The following COL23A1 variants were observed in gnomAD, a reference collection of about 807,000 sequenced individuals.
COL23A1 encodes collagen type XXIII alpha 1 chain, also known as collagen alpha-1(XXIII) chain.
Under a neutral mutation model 99.3 loss-of-function variants are expected in COL23A1, and 97 were observed. The observed-to-expected ratio is 0.98, with a 90% CI of 0.83 to 1.16. The LOEUF is 1.16. Ranked by LOEUF, COL23A1 falls within the 50% of genes most tolerant of loss-of-function variation. The probability of loss-of-function intolerance (pLI) is 0.00; values close to 1 mark genes in which losing one functional copy is unlikely to be tolerated. For synonymous variants in COL23A1, 320 were observed against 308.2 expected, an observed-to-expected ratio of 1.04 and a Z score of -0.40; for missense variants, 762 against 757.4, an observed-to-expected ratio of 1.01 and a Z score of -0.07.
chr5:178,397,207 C>G (rs1391072040), intron 2 of COL23A1, among the ~76,000 whole-genome samples: 1 of 152,216 alleles, frequency 6.6e-6, no homozygotes. Flanking sequence ...TTCACTCCTT[C>G]CTGCCGCCAC....
intron 8 of COL23A1, among the ~76,000 whole-genome samples, chr5:178,266,110 G>A (rs139566630): frequency 1.5e-3 from 229 of 152,062 alleles, no homozygotes; most frequent in African/African-American, 5.4e-3. Flanking sequence ...GTGCCATCTC[G>A]TCTCACTGCA....
rs550408937 is a variant in COL23A1 at position 178,384,156 on chromosome 5, G to C, written c.362-77237C>G. 3.3e-4 allele frequency among the ~76,000 whole-genome samples: 51 copies of C among 152,282 alleles called. No homozygotes were observed. Among genetic ancestry groups the C allele is most frequent in the Admixed American group, 2.6e-4 (4 of 15,310 alleles). On this transcript the variant is annotated intron_variant, in intron 2 of 28. Coordinates refer to ENST00000390654, the MANE Select transcript of COL23A1 (RefSeq NM_173465.4). The surrounding 1 kb of genome is among the most constrained non-coding windows in gnomAD (Gnocchi z 5.5). ...AATAAGGCTGGCCATCGAGAAGACC[G>C]AGAGGCAGGGTCAGGGGCGGCACTT...
intron 2 of COL23A1, among the ~76,000 whole-genome samples, chr5:178,398,395 C>T (rs1036961933): frequency 1.3e-5 from 2 of 152,180 alleles, no homozygotes; most frequent in African/African-American, 2.4e-5. Context: ...GAGAGGCCGA[C>T]GCAGGCGGAT....
intron 2 of COL23A1, among the ~76,000 whole-genome samples, chr5:178,518,463 G>C (rs1431418845): frequency 6.6e-6 from 1 of 150,440 alleles, no homozygotes; most frequent in South Asian, 2.1e-4. Flanking sequence ...TCACTTCCCA[G>C]TAGGGGCGGC....
intron 2 of COL23A1, among the ~76,000 whole-genome samples, chr5:178,552,993 C>T (rs1198425726): frequency 2.6e-5 from 4 of 152,176 alleles, no homozygotes; most frequent in Middle Eastern, 6.8e-3. Flanking sequence ...CAGGCGTGAG[C>T]CACTGCGCCT....
At chr5:178,413,474 A>C (rs529937587) in intron 2 of COL23A1, among the ~76,000 whole-genome samples, 1 of 152,206 alleles carries the variant, frequency 6.6e-6, no homozygotes, top group African/African-American at 2.4e-5. Flanking sequence ...CATATGTTCA[A>C]TTATCCTCAA....
intron 2 of COL23A1, among the ~76,000 whole-genome samples, chr5:178,358,683 ATGTGTG>A (rs1174776992): frequency 8.5e-6 from 1 of 117,466 alleles, no homozygotes; most frequent in Non-Finnish European, 1.9e-5. Context: ...GTGTATGTGT[ATGTGTG>A]TGTATGTATG....
At chr5:178,421,373 T>C (rs2127798256) in intron 2 of COL23A1, among the ~76,000 whole-genome samples, 1 of 152,328 alleles carries the variant, frequency 6.6e-6, no homozygotes, top group African/African-American at 2.4e-5. Flanking sequence ...TCAGCCTCTC[T>C]GAGCTCATTT....
At chr5:178,242,159 C>G (rs1336551868) in intron 26 of COL23A1, 31 bp from the exon 27 acceptor site, 1 of 1,536,520 alleles carries the variant, frequency 6.5e-7, no homozygotes, top group Middle Eastern at 1.7e-4. Context: ...TGGTATTGGT[C>G]ATGGCTGCCA....
intron 2 of COL23A1, among the ~76,000 whole-genome samples, chr5:178,528,306 G>C (rs1255957445): frequency 6.6e-6 from 1 of 152,200 alleles, no homozygotes; most frequent in Non-Finnish European, 1.5e-5. Context: ...CTACAGGGGA[G>C]ACCTGTGGTG....
chr5:178,322,802 C>G (rs4976759), intron 2 of COL23A1, among the ~76,000 whole-genome samples: 25,245 of 152,202 alleles, frequency 0.17, 2,863 homozygotes, highest in East Asian at 0.54. Flanking sequence ...CAGCCCTGTC[C>G]CTGGGGTTCC....
intron 2 of COL23A1, among the ~76,000 whole-genome samples, chr5:178,429,333 T>C (rs1766127208): frequency 6.6e-6 from 1 of 152,258 alleles, no homozygotes; most frequent in South Asian, 2.1e-4. Context: ...GGGCCCCTCC[T>C]CTGCCTTCCT....
Position 178,365,136 on chromosome 5 carries a change from C to CGTGTGTGT in COL23A1, c.362-58225_362-58218dup, listed in dbSNP as rs55995523. Among the ~76,000 whole-genome samples the CGTGTGTGT allele has an allele frequency of 0.041, 6,043 of 147,842 alleles. 388 individuals carry two copies. The highest frequency in any genetic ancestry group is 0.2 in the East Asian group (977 of 4,856). On this transcript the variant is annotated intron_variant, in intron 2 of 28. Coordinates refer to ENST00000390654, the MANE Select transcript of COL23A1 (RefSeq NM_173465.4). The surrounding 1 kb of genome is among the most constrained non-coding windows in gnomAD (Gnocchi z 5.2). ...GGGCTTTATGATGTTGCTGTGTGTG[C>CGTGTGTGT]GTGTGTGTGTGTGTGTGTGTGTGTG...
intron 9 of COL23A1, among the ~76,000 whole-genome samples, chr5:178,262,508 G>A (rs960009980): frequency 6.6e-6 from 1 of 152,142 alleles, no homozygotes; most frequent in Non-Finnish European, 1.5e-5. Context: ...GCAGTTTGGT[G>A]GGGATCCATT....
chr5:178,551,332 T>C (rs1017967914), intron 2 of COL23A1, among the ~76,000 whole-genome samples: 9 of 152,012 alleles, frequency 5.9e-5, no homozygotes, highest in African/African-American at 1.9e-4. Context: ...TCTTTATTTA[T>C]AGGACATGAC....
chr5:178,243,641 A>T (rs1452466372), intron 25 of COL23A1, among the ~76,000 whole-genome samples: 1 of 152,110 alleles, frequency 6.6e-6, no homozygotes, highest in Non-Finnish European at 1.5e-5. Flanking sequence ...TCTGGAGGGA[A>T]GGGCTGTTCT....
chr5:178,584,310 A>C (rs1381586779), intron 1 of COL23A1, among the ~76,000 whole-genome samples: 17 of 107,008 alleles, frequency 1.6e-4, no homozygotes, highest in Middle Eastern at 5.0e-3. Flanking sequence ...GCACCTGGCC[A>C]CACACACACA....
At chr5:178,358,383 ATGTG>A (rs1049741036) in intron 2 of COL23A1, among the ~76,000 whole-genome samples, 3 of 125,750 alleles carry the variant, frequency 2.4e-5, no homozygotes, top group Admixed American at 7.9e-5. Context: ...TGTATGTCTA[ATGTG>A]TGTATGTGTA....
At chr5:178,289,035 C>T (rs114574654) in intron 4 of COL23A1, among the ~76,000 whole-genome samples, 1,784 of 152,238 alleles carry the variant, frequency 0.012, 19 homozygotes, top group Admixed American at 0.017. Flanking sequence ...CAAGTTCACA[C>T]ACGCTAGCCT....
Sources: allele counts gnomAD v4.1 joint callset (sites outside exome capture counted in the v4.1 genomes callset), GRCh38; gene constraint gnomAD v4.1.1; non-coding constraint Gnocchi (gnomAD v3.1); transcripts MANE v1.5; gene names NCBI Gene and HGNC (gene_info 2026-07-23, HGNC 2026-07-21).